LHFPL3: variants seen among roughly 807,000 people sequenced by gnomAD.
LHFPL3 encodes the protein LHFPL tetraspan subfamily member 3, also known as LHFPL tetraspan subfamily member 3 protein.
In LHFPL3, 5 loss-of-function variants were observed where a neutral mutation model predicts 19.3. The ratio of observed to expected loss-of-function variants is 0.26; its 90% CI spans 0.14 to 0.54. The LOEUF (loss-of-function observed/expected upper bound fraction) is 0.54. Ranked by LOEUF, LHFPL3 falls within the 20% of genes least tolerant of loss-of-function variation. LHFPL3 has a pLI of 0.94. For synonymous variants in LHFPL3, 133 were observed against 126.2 expected (o/e 1.05, Z -0.36); for missense variants, 249 against 307.4 (o/e 0.81, Z 1.42).
At chr7:104,796,949 C>A (rs1054707514) in intron 2 of LHFPL3, 2 of 152,604 alleles carry the variant, frequency 1.3e-5, no homozygotes, top group Non-Finnish European at 2.9e-5. Flanking sequence ...CAGAACATAT[C>A]CTAAAAAAAT....
chr7:104,543,478 G>T (rs1018841767), intron 1 of LHFPL3, among the ~76,000 whole-genome samples: 2 of 151,664 alleles, frequency 1.3e-5, no homozygotes, highest in Non-Finnish European at 2.9e-5. Context: ...TATTTACTGC[G>T]ACACTATTCA....
At chr7:104,594,267 A>G (rs1471836499) in intron 1 of LHFPL3, among the ~76,000 whole-genome samples, 1 of 152,166 alleles carries the variant, frequency 6.6e-6, no homozygotes, top group Non-Finnish European at 1.5e-5. Flanking sequence ...GCTTGTCTGT[A>G]AAGGATTTTA....
intron 2 of LHFPL3, among the ~76,000 whole-genome samples, chr7:104,749,342 C>T (rs1346692821): frequency 6.6e-6 from 1 of 152,384 alleles, no homozygotes; most frequent in African/African-American, 2.4e-5. Context: ...AATAATATAA[C>T]AGTCTGAAAA....
chr7:104,848,720 C>G (rs1408678517), intron 2 of LHFPL3, among the ~76,000 whole-genome samples: 1 of 152,134 alleles, frequency 6.6e-6, no homozygotes, highest in East Asian at 1.9e-4. Context: ...ACCCCACTGT[C>G]TGTGCAAGCC....
intron 2 of LHFPL3, among the ~76,000 whole-genome samples, chr7:104,900,224 C>T (rs890237813): frequency 2.6e-5 from 4 of 152,204 alleles, no homozygotes; most frequent in Non-Finnish European, 4.4e-5. Flanking sequence ...ATTCTATTTT[C>T]AATGTGCCTG....
intron 1 of LHFPL3, among the ~76,000 whole-genome samples, chr7:104,346,150 C>T (rs1185726777): frequency 1.3e-5 from 2 of 151,336 alleles, no homozygotes; most frequent in African/African-American, 4.9e-5. Flanking sequence ...ATTCTTCTGT[C>T]TCAGCCTCCT....
chr7:104,732,402 G>T (rs986874854), intron 1 of LHFPL3, among the ~76,000 whole-genome samples: 1 of 152,090 alleles, frequency 6.6e-6, no homozygotes. Context: ...CAATGACAGA[G>T]CCTGTTATTG....
intron 1 of LHFPL3, among the ~76,000 whole-genome samples, chr7:104,653,885 G>T (rs1792077492): frequency 6.6e-6 from 1 of 152,174 alleles, no homozygotes; most frequent in African/African-American, 2.4e-5. Flanking sequence ...AATTCATTCT[G>T]TTAAGCTTCA....
At chr7:104,796,204 C>T (rs1790122524) in intron 2 of LHFPL3, among the ~76,000 whole-genome samples, 1 of 152,216 alleles carries the variant, frequency 6.6e-6, no homozygotes, top group African/African-American at 2.4e-5. Flanking sequence ...AGCATGTGCA[C>T]TGACACAGTG....
chr7:104,622,770 T>C (rs1217784876), intron 1 of LHFPL3, among the ~76,000 whole-genome samples: 1 of 152,226 alleles, frequency 6.6e-6, no homozygotes, highest in Non-Finnish European at 1.5e-5. Context: ...ATGCAAACGT[T>C]CATGTACACA....
chr7:104,813,392 G>A (rs1790511196), intron 2 of LHFPL3, among the ~76,000 whole-genome samples: 1 of 152,230 alleles, frequency 6.6e-6, no homozygotes, highest in African/African-American at 2.4e-5. Flanking sequence ...CCAGGGAAGT[G>A]ATGGTCATAA....
At chr7:104,355,364 C>T (rs554643110) in intron 1 of LHFPL3, among the ~76,000 whole-genome samples, 19 of 152,272 alleles carry the variant, frequency 1.2e-4, no homozygotes, top group Admixed American at 8.5e-4. Context: ...TCTCCTGAGA[C>T]GTCACACTTG....
At chr7:104,461,979 G>A (rs1792673557) in intron 1 of LHFPL3, among the ~76,000 whole-genome samples, 1 of 152,050 alleles carries the variant, frequency 6.6e-6, no homozygotes, top group Admixed American at 6.6e-5. Context: ...TACCTAGTTA[G>A]CAGTATTCCT....
At chr7:104,668,786 G>C (rs1339586480) in intron 1 of LHFPL3, 6 of 1,609,278 alleles carry the variant, frequency 3.7e-6, no homozygotes, top group Non-Finnish European at 5.1e-6. Context: ...TGATTCCTCT[G>C]CTAGTAACTC....
At chr7:104,408,102 G>A (rs1188703585) in intron 1 of LHFPL3, among the ~76,000 whole-genome samples, 1 of 152,006 alleles carries the variant, frequency 6.6e-6, no homozygotes, top group African/African-American at 2.4e-5. Flanking sequence ...CTATCTGCTT[G>A]GCCCCATTAA....
intron 1 of LHFPL3, among the ~76,000 whole-genome samples, chr7:104,329,550 A>G (rs1460223968): frequency 6.6e-6 from 1 of 152,222 alleles, no homozygotes; most frequent in Non-Finnish European, 1.5e-5. Flanking sequence ...GTGGCCGCTT[A>G]GAGAGATGGG....
intron 1 of LHFPL3, among the ~76,000 whole-genome samples, chr7:104,512,029 A>G: frequency 7.2e-6 from 1 of 138,376 alleles, no homozygotes; most frequent in Non-Finnish European, 1.5e-5. Context: ...ATCTTGGCTC[A>G]CTGCAACCTC....
chr7:104,402,802 C>T (rs1175018770), intron 1 of LHFPL3, among the ~76,000 whole-genome samples: 1 of 152,168 alleles, frequency 6.6e-6, no homozygotes, highest in Admixed American at 6.6e-5. Flanking sequence ...AATTATTTCC[C>T]ACAATGTAAT....
intron 2 of LHFPL3, among the ~76,000 whole-genome samples, chr7:104,887,138 C>G (rs1195941328): frequency 6.6e-6 from 1 of 152,242 alleles, no homozygotes; most frequent in Non-Finnish European, 1.5e-5. Flanking sequence ...AAGATGGGCA[C>G]TGACTTCCAC....
Sources: allele counts gnomAD v4.1 joint callset (sites outside exome capture counted in the v4.1 genomes callset), GRCh38; gene constraint gnomAD v4.1.1; transcripts MANE v1.5; gene names NCBI Gene and HGNC (gene_info 2026-07-23, HGNC 2026-07-21).